LIMCH1: variants seen among roughly 807,000 people sequenced by gnomAD.
LIMCH1 encodes the protein LIM and calponin homology domains-containing protein 1.
A neutral mutation model predicts 176.5 loss-of-function variants in LIMCH1; 113 were observed. The observed-to-expected ratio is 0.64, with a 90% CI of 0.55 to 0.75. The LOEUF is 0.75. LIMCH1 is among the 30% of genes least tolerant of loss of function. The pLI, the probability that LIMCH1 is intolerant of heterozygous loss-of-function variation, is 0.00. For synonymous variants in LIMCH1, 619 were observed against 645.9 expected (o/e 0.96, Z 0.63); for missense variants, 1,674 against 1,814.9 (o/e 0.92, Z 1.41).
chr4:41,514,608 A>G (rs1033626585), intron 2 of LIMCH1, among the ~76,000 whole-genome samples: 1 of 152,238 alleles, frequency 6.6e-6, no homozygotes, highest in Non-Finnish European at 1.5e-5. Flanking sequence ...TAAGGACTTT[A>G]AACAGCATCC....
intron 22 of LIMCH1, 88 bp downstream of exon 22, chr4:41,671,682 G>A: frequency 9.7e-7 from 1 of 1,029,250 alleles, no homozygotes; most frequent in Admixed American, 1.8e-5. Flanking sequence ...ATTCAGGCCG[G>A]GTGCAGGCGG....
chr4:41,584,399 G>A (rs564630441), intron 1 of LIMCH1, among the ~76,000 whole-genome samples: 121 of 152,282 alleles, frequency 7.9e-4, no homozygotes, highest in Non-Finnish European at 3.5e-4. Context: ...AATACAAACT[G>A]TGTTTCAGTA....
chr4:41,606,145 G>C, intron 4 of LIMCH1, 141 bp downstream of exon 4: 1 of 581,012 alleles, frequency 1.7e-6, no homozygotes, highest in Non-Finnish European at 3.2e-6. Context: ...ACGATCACTT[G>C]TCTTACCAAT....
intron 1 of LIMCH1, among the ~76,000 whole-genome samples, chr4:41,375,769 C>T (rs1469609327): frequency 6.6e-6 from 1 of 152,228 alleles, no homozygotes; most frequent in Non-Finnish European, 1.5e-5. Context: ...CAGATTGGCA[C>T]AGCGCAGCTG....
intron 2 of LIMCH1, among the ~76,000 whole-genome samples, chr4:41,501,928 G>A (rs762687829): frequency 9.8e-4 from 130 of 133,066 alleles, no homozygotes; most frequent in Non-Finnish European, 1.7e-3. Flanking sequence ...CAGGGTACGT[G>A]TGCAGGATAT....
chr4:41,468,538 A>G (rs1330692998), intron 1 of LIMCH1, among the ~76,000 whole-genome samples: 2 of 151,602 alleles, frequency 1.3e-5, no homozygotes, highest in African/African-American at 4.9e-5. Flanking sequence ...GTGAACATTC[A>G]TACATTTTAC....
chr4:41,360,222 G>A (rs1225168836), upstream of LIMCH1, among the ~76,000 whole-genome samples: 1 of 151,932 alleles, frequency 6.6e-6, no homozygotes, highest in Non-Finnish European at 1.5e-5. The surrounding 1 kb of genome is among the most constrained non-coding windows in gnomAD (Gnocchi z 4.5). Context: ...AAGATCAGGT[G>A]GCTGTGTACT....
chr4:41,445,550 C>T (rs2063199773), intron 1 of LIMCH1, among the ~76,000 whole-genome samples: 1 of 152,182 alleles, frequency 6.6e-6, no homozygotes. Flanking sequence ...TGAAGCACTG[C>T]TAATATTTTC....
At chr4:41,518,083 T>C (rs1217477833) in intron 2 of LIMCH1, among the ~76,000 whole-genome samples, 1 of 152,236 alleles carries the variant, frequency 6.6e-6, no homozygotes, top group Non-Finnish European at 1.5e-5. Context: ...TCTTCTGTTC[T>C]TCCCGAAACT....
At chr4:41,363,179 C>T (rs1025990287) in intron 1 of LIMCH1, among the ~76,000 whole-genome samples, 11 of 152,244 alleles carry the variant, frequency 7.2e-5, no homozygotes, top group African/African-American at 2.6e-4. Flanking sequence ...CCACGGGAAC[C>T]CAGAAGTTGT....
chr4:41,644,497 C>A lies in LIMCH1; in HGVS notation c.2127-3C>A. On this transcript the variant is annotated splice_polypyrimidine_tract_variant and splice_region_variant and intron_variant, in intron 14 of 31. Transcript: ENST00000503057. ...CTCTTGTGTTCGCTCTCTCCACACTCAGGAGCACCAGCATGTTTGACATGC... is the reference window on the plus strand; with the variant it reads ...CTCTTGTGTTCGCTCTCTCCACACTAAGGAGCACCAGCATGTTTGACATGC... 1 of 1,554,324 alleles carries A rather than the reference C, an allele frequency of 6.4e-7. No homozygotes were observed. The highest frequency in any genetic ancestry group is 1.2e-5 in the South Asian group (1 of 83,480).
At chr4:41,612,854 T>C in intron 4 of LIMCH1, 1 of 967,198 alleles carries the variant, frequency 1.0e-6, no homozygotes, top group Non-Finnish European at 1.4e-6. Context: ...TGCCTTTCTT[T>C]TTTTTTTTTT....
rs763430404 is a variant in LIMCH1, at chr4:41,613,494, G to C, written c.38G>C (p.Arg13Pro). The change falls in exon 5 of 32, where the codon CGC (arginine) becomes CCC (proline). Residue 13 changes from arginine to proline, a missense_variant. Transcript: ENST00000503057. ...KDTDDIESPK[R>P]SIRDSGYIDC... Reference sequence around the variant, plus strand: ...ACTGATGACATTGAAAGTCCTAAACGCAGTATCCGAGACAGTGGCTACATC... The same window carrying C: ...ACTGATGACATTGAAAGTCCTAAACCCAGTATCCGAGACAGTGGCTACATC... The C allele has an allele frequency of 3.1e-6, 5 of 1,614,004 alleles. No homozygotes were observed. The South Asian group carries it at 4.4e-5, about 14-fold the overall frequency.
chr4:41,656,603 T>C (rs1406711839), intron 18 of LIMCH1, among the ~76,000 whole-genome samples: 1 of 152,158 alleles, frequency 6.6e-6, no homozygotes, highest in Non-Finnish European at 1.5e-5. Flanking sequence ...ATTCCCTGTC[T>C]TCCAGTGGCA....
Position 41,623,957 on chromosome 4 carries a change from A to G in LIMCH1, c.726-2751A>G, listed in dbSNP as rs140156098. Among the ~76,000 whole-genome samples the G allele has an allele frequency of 5.8e-3, 885 of 152,310 alleles. 5 individuals carry two copies. Among genetic ancestry groups the G allele is most frequent in the African/African-American group, 0.02 (832 of 41,564 alleles). On this transcript the variant is annotated intron_variant, in intron 7 of 31. Transcript: ENST00000503057. The stretch of plus-strand genomic sequence containing the variant: ...AGAGTTTCCACTGAAGGGAAAAAGT[A>G]CATAAATTACTTTTTCTTCTATTTT...
In LIMCH1 at chr4:41,688,795, G is replaced by A. The variant is rs890630388; in HGVS notation, c.4167-732G>A. On this transcript the variant is annotated intron_variant, in intron 29 of 31. Transcript: ENST00000503057. ...AGTCCATTGCTGGGCACTGTACTGG[G>A]TGCTGCAGGGGTACAGAGAGGAGGT... 3 of 152,558 alleles carry A rather than the reference G, an allele frequency of 2.0e-5. No homozygotes were observed. The East Asian group carries it at 5.8e-4, about 29-fold the overall frequency. The allele number at this position is 152,558 out of a possible 1,614,324, so 9.5% of individuals were successfully genotyped here.
chr4:41,484,988 G>T (rs925973531), intron 1 of LIMCH1, among the ~76,000 whole-genome samples: 2 of 152,130 alleles, frequency 1.3e-5, no homozygotes, highest in Non-Finnish European at 1.5e-5. Flanking sequence ...GGCAGCCTTT[G>T]ACTTTTTATG....
intron 1 of LIMCH1, among the ~76,000 whole-genome samples, chr4:41,456,970 T>C (rs959011861): frequency 8.5e-5 from 13 of 152,144 alleles, no homozygotes; most frequent in African/African-American, 2.4e-4. Context: ...TCTCTTCCTA[T>C]GTAAGAGCAG....
intron 1 of LIMCH1, among the ~76,000 whole-genome samples, chr4:41,378,854 T>TATTAGAAGG (rs1461490623): frequency 6.6e-6 from 1 of 152,158 alleles, no homozygotes; most frequent in African/African-American, 2.4e-5. Flanking sequence ...GACTTGGACA[T>TATTAGAAGG]ATTAGAAGGC....
Sources: gnomAD v4.1 joint callset for allele counts (sites outside exome capture counted in the v4.1 genomes callset) on GRCh38, gnomAD v4.1.1 for gene constraint, Gnocchi (gnomAD v3.1) non-coding constraint, MANE v1.5 for transcripts, NCBI Gene and HGNC (gene_info 2026-07-23, HGNC 2026-07-21) for gene names.